Variants in OSBPL6 observed in about 807,000 individuals in gnomAD.
The protein encoded by OSBPL6 is oxysterol-binding protein-related protein 6.
Under a neutral mutation model 125.8 loss-of-function variants are expected in OSBPL6, and 49 were observed. That is an observed-to-expected ratio of 0.39 (90% CI 0.31 to 0.49). The LOEUF (loss-of-function observed/expected upper bound fraction) is 0.49. Among genes scored for constraint, OSBPL6 ranks in the 20% least tolerant of loss-of-function variants. The probability of loss-of-function intolerance (pLI) is 0.88; values close to 1 mark genes in which losing one functional copy is unlikely to be tolerated. For synonymous variants in OSBPL6, 394 were observed against 391.8 expected, an observed-to-expected ratio of 1.01 and a Z score of -0.07; for missense variants, 986 against 1,135.4, an observed-to-expected ratio of 0.87 and a Z score of 1.89.
At chr2:178,331,770 AC>A (rs1166837831) in intron 6 of OSBPL6, among the ~76,000 whole-genome samples, 165 bp downstream of exon 6, 2 of 152,314 alleles carry the variant, frequency 1.3e-5, no homozygotes, top group Non-Finnish European at 2.9e-5. Flanking sequence ...AAGTGTGTCA[AC>A]CTAGTGCATG....
intron 9 of OSBPL6, among the ~76,000 whole-genome samples, chr2:178,337,438 C>T (rs1157036160): frequency 2.6e-5 from 4 of 152,184 alleles, no homozygotes; most frequent in African/African-American, 9.7e-5. Context: ...TTCTGAGATA[C>T]TCACATCCCA....
chr2:178,308,284 A>C (rs1430784153), intron 3 of OSBPL6, among the ~76,000 whole-genome samples: 1 of 152,210 alleles, frequency 6.6e-6, no homozygotes, highest in Non-Finnish European at 1.5e-5. Context: ...GAATTAACTT[A>C]GGGAACTCAG....
At chr2:178,386,870 G>GT (rs1694986611) in intron 19 of OSBPL6, among the ~76,000 whole-genome samples, 191 bp from the exon 20 acceptor site, 1 of 150,656 alleles carries the variant, frequency 6.6e-6, no homozygotes, top group Non-Finnish European at 1.5e-5. Flanking sequence ...TTGTTTGTTT[G>GT]TTTATTTTTT....
At chr2:178,223,950 A>T (rs1553521854) in intron 1 of OSBPL6, among the ~76,000 whole-genome samples, 1 of 152,220 alleles carries the variant, frequency 6.6e-6, no homozygotes, top group Non-Finnish European at 1.5e-5. Flanking sequence ...CGGAAAACAC[A>T]CTTGCCAGTC....
At chr2:178,344,591 A>G (rs1200177459) in intron 11 of OSBPL6, among the ~76,000 whole-genome samples, 1 of 152,188 alleles carries the variant, frequency 6.6e-6, no homozygotes, top group African/African-American at 2.4e-5. Context: ...TCTACTATAC[A>G]TGAAGACATA....
At chr2:178,220,812 G>A (rs1278842018) in intron 1 of OSBPL6, among the ~76,000 whole-genome samples, 1 of 152,192 alleles carries the variant, frequency 6.6e-6, no homozygotes, top group Non-Finnish European at 1.5e-5. Flanking sequence ...TACCTCTGTT[G>A]CTGACATCAG....
chr2:178,229,860 GA>G (rs1171873720), intron 1 of OSBPL6, among the ~76,000 whole-genome samples: 1 of 152,198 alleles, frequency 6.6e-6, no homozygotes, highest in African/African-American at 2.4e-5. Flanking sequence ...AGAAAAAAAA[GA>G]AATGCAAATA....
chr2:178,336,369 A>T lies in OSBPL6; in HGVS notation c.726A>T (p.Thr242=). The T allele has an allele frequency of 1.2e-6, 2 of 1,614,134 alleles. No homozygotes were observed. Among genetic ancestry groups the T allele is most frequent in the Non-Finnish European group, 1.7e-6 (2 of 1,180,016 alleles). The change falls in exon 9 of 25, where the codon ACA becomes ACT. Residue 242 remains threonine, a synonymous_variant. Transcript: ENST00000190611. ...PCSNSLPATC[T]TGQSKVAAWL... The stretch of plus-strand genomic sequence containing the variant: ...GCAATAGCCTCCCTGCAACGTGCAC[A>T]ACTGGCCAGAGTAAAGTGGCAGCCT...
chr2:178,372,996 A>G (rs1361549598), intron 14 of OSBPL6, among the ~76,000 whole-genome samples: 1 of 152,232 alleles, frequency 6.6e-6, no homozygotes, highest in Non-Finnish European at 1.5e-5. Context: ...CTTTATATAC[A>G]GTGGTGATAT....
chr2:178,345,721 A>C (rs192622846), intron 11 of OSBPL6, among the ~76,000 whole-genome samples: 1 of 152,362 alleles, frequency 6.6e-6, no homozygotes, highest in East Asian at 1.9e-4. Flanking sequence ...ACAACAACTT[A>C]GTATGGAAAG....
At chr2:178,223,995 C>T (rs575928893) in intron 1 of OSBPL6, among the ~76,000 whole-genome samples, 13 of 152,334 alleles carry the variant, frequency 8.5e-5, no homozygotes, top group Non-Finnish European at 1.5e-4. Context: ...GCCTGGGCAA[C>T]CTTACTGGCT....
At chr2:178,388,516 T>C (rs545538423) in intron 20 of OSBPL6, among the ~76,000 whole-genome samples, 1 of 152,330 alleles carries the variant, frequency 6.6e-6, no homozygotes, top group East Asian at 1.9e-4. Context: ...TTCACAGGCC[T>C]GGATGCCTTG....
Position 178,339,027 on chromosome 2 carries a change from G to A in OSBPL6, c.827G>A (p.Ser276Asn), listed in dbSNP as rs764094380. The A allele has an allele frequency of 6.2e-7, 1 of 1,613,184 alleles. No individual in the cohort carries two copies. The highest frequency in any genetic ancestry group is 8.5e-7 in the Non-Finnish European group (1 of 1,179,622). Residue 276 changes from serine to asparagine, a missense_variant, in exon 10 of 25, where the codon AGC becomes AAC. By Grantham distance (46) the Ser-to-Asn change is conservative (BLOSUM62 1). Transcript: ENST00000190611. ...AHCQSNLVEL[S>N]KLLQNLEILQ... ...TGCCAGTCAAACCTTGTGGAACTTAGCAAACTCCTGCAAAATTTGGAAATA... is the reference window on the plus strand; with the variant it reads ...TGCCAGTCAAACCTTGTGGAACTTAACAAACTCCTGCAAAATTTGGAAATA...
chr2:178,265,191 CTTTTTTTTTTTTTTTTTTT>C (rs376718500), intron 1 of OSBPL6, among the ~76,000 whole-genome samples: 42 of 33,726 alleles, frequency 1.2e-3, no homozygotes, highest in African/African-American at 3.5e-3. Context: ...CCAGACGAGA[CTTTTTTTTTTTTTTTTTTT>C]TTTTTTTTTT....
intron 1 of OSBPL6, among the ~76,000 whole-genome samples, chr2:178,206,571 G>A (rs949758899): frequency 2.6e-5 from 4 of 152,116 alleles, no homozygotes. Context: ...GCTTTAGTAA[G>A]CTCTTTACCA....
At chr2:178,221,862 C>T (rs913206712) in intron 1 of OSBPL6, among the ~76,000 whole-genome samples, 2 of 152,210 alleles carry the variant, frequency 1.3e-5, no homozygotes, top group African/African-American at 4.8e-5. Context: ...TTCCTGAGTT[C>T]AGATCTGTAC....
chr2:178,383,445 A>G (rs1221616815), intron 17 of OSBPL6, among the ~76,000 whole-genome samples, 168 bp downstream of exon 17: 1 of 152,232 alleles, frequency 6.6e-6, no homozygotes, highest in Non-Finnish European at 1.5e-5. Context: ...AACCTCCCAG[A>G]TACCAACACA....
At chr2:178,349,891 C>T (rs1007096270) in intron 12 of OSBPL6, among the ~76,000 whole-genome samples, 1 of 152,186 alleles carries the variant, frequency 6.6e-6, no homozygotes, top group African/African-American at 2.4e-5. Context: ...GGCTGAAAGA[C>T]GCAAGGTAGC....
rs904907139 is a variant in OSBPL6, at chr2:178,401,906, G to GT, written c.*6355dup. 150 of 152,096 alleles carry GT rather than the reference G, an allele frequency of 9.9e-4. 1 individual carries two copies. The highest frequency in any genetic ancestry group is 3.4e-3 in the Middle Eastern group (1 of 296). 9.4% of individuals were successfully genotyped at this position (152,096 alleles called of 1,614,324 possible). A position where few individuals can be genotyped will look rare whatever the true frequency, so the allele number is the denominator to read the frequency against. On this transcript the variant is annotated 3_prime_UTR_variant, in exon 25 of 25. Coordinates refer to ENST00000190611, the MANE Select transcript of OSBPL6 (RefSeq NM_032523.4). ...CCCTGTGCCTCAGTCTTTTTTGTTTGTTTTTTTTCATGTGACACTCAGTAG... is the reference window on the plus strand; with the variant it reads ...CCCTGTGCCTCAGTCTTTTTTGTTTGTTTTTTTTTCATGTGACACTCAGTAG...
Sources: gnomAD v4.1 joint callset for allele counts (sites outside exome capture counted in the v4.1 genomes callset) on GRCh38, gnomAD v4.1.1 for gene constraint, MANE v1.5 for transcripts, NCBI Gene and HGNC (gene_info 2026-07-23, HGNC 2026-07-21) for gene names.